The following HYDIN variants were observed in gnomAD, a reference collection of about 807,000 sequenced individuals.
HYDIN encodes axonemal central pair apparatus protein HYDIN.
A neutral mutation model predicts 403.9 loss-of-function variants in HYDIN; 132 were observed. The ratio of observed to expected loss-of-function variants is 0.33; its 90% CI spans 0.28 to 0.38. HYDIN has a LOEUF of 0.38. HYDIN is among the 10% of genes least tolerant of loss of function. The pLI is 1.00. For synonymous variants in HYDIN, 1,202 were observed against 1,891.7 expected (o/e 0.64, Z 9.46); for missense variants, 2,827 against 5,009.5 (o/e 0.56, Z 13.15).
chr16:71,149,778 G>A (rs1297226291), intron 7 of HYDIN, among the ~76,000 whole-genome samples: 1 of 152,158 alleles, frequency 6.6e-6, no homozygotes, highest in East Asian at 1.9e-4. Context: ...TGCTCCTGCT[G>A]TAGCCTCTTA....
intron 19 of HYDIN, among the ~76,000 whole-genome samples, chr16:71,030,858 T>C (rs1253074172): frequency 6.6e-6 from 1 of 151,972 alleles, no homozygotes; most frequent in Non-Finnish European, 1.5e-5. Flanking sequence ...ATGGAAACCA[T>C]CTCAGTTGTC....
intron 10 of HYDIN, 129 bp from the exon 11 acceptor site, chr16:71,094,064 C>A (rs1246959066): frequency 7.8e-6 from 5 of 644,746 alleles, no homozygotes; most frequent in Admixed American, 3.4e-5. Context: ...ACCGAGGGAA[C>A]TGCAATTTAA....
intron 1 of HYDIN, among the ~76,000 whole-genome samples, chr16:71,210,425 G>A (rs528563098): frequency 2.1e-3 from 318 of 152,052 alleles, no homozygotes; most frequent in Non-Finnish European, 3.7e-3. Flanking sequence ...ACCAGATACC[G>A]TCTGTTCTCA....
chr16:71,032,574 A>G (rs2080953881), intron 18 of HYDIN, among the ~76,000 whole-genome samples: 1 of 134,156 alleles, frequency 7.5e-6, no homozygotes, highest in African/African-American at 2.7e-5. Flanking sequence ...TTGCTGTGCA[A>G]ACATTGTAGA....
At chr16:71,061,486 A>C (rs1364537181) in intron 17 of HYDIN, among the ~76,000 whole-genome samples, 1 of 152,388 alleles carries the variant, frequency 6.6e-6, no homozygotes, top group African/African-American at 2.4e-5. Flanking sequence ...CTCCTGTAGG[A>C]TTCGATGTTT....
chr16:71,218,092 GA>G lies in HYDIN; in HGVS notation c.-24+12469del, dbSNP rs962198258. ...ATCTCATCATTAGTTTTCTGAATAAGAAAAAAAAAGACCAATTTTCCTGTGC... is the reference window on the plus strand; with the variant it reads ...ATCTCATCATTAGTTTTCTGAATAAGAAAAAAAAGACCAATTTTCCTGTGC... On this transcript the variant is annotated intron_variant, in intron 1 of 85. Coordinates refer to ENST00000393567, the MANE Select transcript of HYDIN (RefSeq NM_001270974.2). Among the ~76,000 whole-genome samples, 18 of 150,710 alleles carry G rather than the reference GA, an allele frequency of 1.2e-4. 1 individual carries two copies. Among genetic ancestry groups the G allele is most frequent in the Middle Eastern group, 6.8e-3 (2 of 294 alleles).
rs778708788 is a variant in HYDIN at position 71,067,279 on chromosome 16, G to A, written c.2075+11C>T. ...GGCGACTCAGGAGAAGAGCAAGCTG[G>A]GGAGCAATACCTTGCTGTAATTAAG... On this transcript the variant is annotated intron_variant, in intron 15 of 85. Transcript: ENST00000393567. The A allele has an allele frequency of 1.4e-5, 22 of 1,579,240 alleles. No homozygotes were observed. The highest frequency in any genetic ancestry group is 4.5e-5 in the South Asian group (4 of 89,350).
At chr16:71,093,783 G>A (rs753158981) in intron 11 of HYDIN, 34 bp downstream of exon 11, 1 of 1,604,652 alleles carries the variant, frequency 6.2e-7, no homozygotes, top group Non-Finnish European at 8.5e-7. Context: ...GCCAAGTACT[G>A]TTTGAAGTAT....
chr16:70,964,654 GT>G (rs1300046076), intron 37 of HYDIN, 73 bp downstream of exon 37: 1 of 1,152,358 alleles, frequency 8.7e-7, no homozygotes, highest in Admixed American at 2.0e-5. Context: ...AAACAGGTTG[GT>G]CCCAGAGCAG....
Position 70,834,015 on chromosome 16 carries a change from G to C in HYDIN, c.13551C>G (p.Leu4517=), listed in dbSNP as rs1235437430. 1 of 1,606,896 alleles carries C rather than the reference G, an allele frequency of 6.2e-7. No individual in the cohort carries two copies. The highest frequency in any genetic ancestry group is 8.5e-7 in the Non-Finnish European group (1 of 1,174,644). ...ECMGLLRPLF[L]LSGCCQALEI... ...CCAGGGCCTGGCAGCAGCCGCTAAG[G>C]AGGAAGAGGGGGCGCAGGAGCCCCA... is the stretch of plus-strand genomic sequence containing the variant. Residue 4517 remains leucine (L), a synonymous_variant, in exon 79 of 86, where the codon CTC becomes CTG. Transcript: ENST00000393567.
intron 7 of HYDIN, among the ~76,000 whole-genome samples, chr16:71,151,914 TA>T (rs1461113217): frequency 6.6e-6 from 1 of 152,182 alleles, no homozygotes; most frequent in Non-Finnish European, 1.5e-5. Context: ...TATATTCCTG[TA>T]AGATGTTATG....
At position 70,855,259 on chromosome 16, in the gene HYDIN, C is replaced by T; in HGVS notation, c.12312G>A (p.Glu4104=). ...SSLLIGREAR[E]TVQIINKEEQ... The stretch of plus-strand genomic sequence containing the variant: ...CCTCCTTGTTAATGATCTGCACAGT[C>T]TCCCTGGCTTCTCTGCCTGAGGAGG... The change falls in exon 73 of 86, where the codon GAG becomes GAA. Residue 4104 remains glutamate, a synonymous_variant. Transcript: ENST00000393567. The T allele has an allele frequency of 5.7e-6, 9 of 1,569,336 alleles. 2 individuals are homozygous for T.
intron 1 of HYDIN, among the ~76,000 whole-genome samples, chr16:71,189,264 T>C (rs566800898): frequency 3.2e-4 from 49 of 152,232 alleles, no homozygotes; most frequent in African/African-American, 1.1e-3. Context: ...GTAGAGGAGA[T>C]AGGAATGAAA....
intron 15 of HYDIN, among the ~76,000 whole-genome samples, chr16:71,065,476 T>G (rs1196522643): frequency 1.3e-5 from 2 of 152,050 alleles, no homozygotes; most frequent in Non-Finnish European, 2.9e-5. Flanking sequence ...GGTCTATTAT[T>G]AGGTGACTTG....
intron 75 of HYDIN, among the ~76,000 whole-genome samples, chr16:70,847,347 C>G (rs968782416): frequency 2.6e-5 from 4 of 152,192 alleles, no homozygotes. Context: ...TACATTTATA[C>G]TGATTTTATA....
At chr16:71,010,742 G>T (rs560360461) in intron 23 of HYDIN, among the ~76,000 whole-genome samples, 6 of 152,306 alleles carry the variant, frequency 3.9e-5, no homozygotes, top group Admixed American at 6.5e-5. Flanking sequence ...GCCTGCCCTT[G>T]TGGGATTCAA....
At chr16:71,046,739 T>C (rs1189579311) in intron 18 of HYDIN, among the ~76,000 whole-genome samples, 1 of 152,238 alleles carries the variant, frequency 6.6e-6, no homozygotes, top group Non-Finnish European at 1.5e-5. Flanking sequence ...ATATCATTAA[T>C]AAATCTCTAT....
intron 41 of HYDIN, among the ~76,000 whole-genome samples, chr16:70,948,901 G>A (rs1220310945): frequency 1.4e-5 from 2 of 144,198 alleles, no homozygotes; most frequent in African/African-American, 2.6e-5. Flanking sequence ...TCAGTGTGGC[G>A]ATTCCTCAGG....
rs142155339 is a variant in HYDIN, at chr16:71,030,012, A to G, written c.2768+1667T>C. Among the ~76,000 whole-genome samples, 1,216 of 152,244 alleles carry G rather than the reference A, an allele frequency of 8.0e-3. 10 individuals are homozygous for G. Among genetic ancestry groups the G allele is most frequent in the Non-Finnish European group, 0.012 (785 of 68,016 alleles). On this transcript the variant is annotated intron_variant, in intron 19 of 85. Coordinates refer to ENST00000393567, the MANE Select transcript of HYDIN (RefSeq NM_001270974.2). The stretch of plus-strand genomic sequence containing the variant: ...CTCCTGAGGAATCAAGAATCCCCAC[A>G]CATACCCTCTACACTTAGCACTCAA...
Sources: allele counts gnomAD v4.1 joint callset (sites outside exome capture counted in the v4.1 genomes callset), GRCh38; gene constraint gnomAD v4.1.1; transcripts MANE v1.5; gene names NCBI Gene and HGNC (gene_info 2026-07-23, HGNC 2026-07-21).